GNAZ: variants seen among roughly 807,000 people sequenced by gnomAD.
GNAZ encodes G protein subunit alpha z.
A neutral mutation model predicts 25.4 loss-of-function variants in GNAZ; 3 were observed. The ratio of observed to expected loss-of-function variants is 0.12; its 90% CI spans 0.05 to 0.30. The LOEUF (loss-of-function observed/expected upper bound fraction) is 0.30, where lower values mean the gene tolerates loss of function less well. GNAZ is among the 10% of genes least tolerant of loss of function. The pLI is 1.00. For missense variants in GNAZ, 241 were observed against 501.8 expected, an observed-to-expected ratio of 0.48 and a Z score of 4.97; for synonymous variants, 211 against 205.7, an observed-to-expected ratio of 1.03 and a Z score of -0.22.
intron 1 of GNAZ, among the ~76,000 whole-genome samples, chr22:23,091,341 C>G (rs755823375): frequency 2.6e-5 from 4 of 152,158 alleles, no homozygotes; most frequent in African/African-American, 4.8e-5. Flanking sequence ...GACCTGCATA[C>G]ACATAGGCAC....
At chr22:23,086,681 A>G (rs2068830142) in intron 1 of GNAZ, among the ~76,000 whole-genome samples, 1 of 152,246 alleles carries the variant, frequency 6.6e-6, no homozygotes, top group Admixed American at 6.5e-5. Context: ...AGATGTGTGG[A>G]AATGGCTCCA....
intron 1 of GNAZ, among the ~76,000 whole-genome samples, chr22:23,089,178 C>T (rs2059339927): frequency 1.3e-5 from 2 of 152,200 alleles, no homozygotes; most frequent in Admixed American, 1.3e-4. Context: ...GATGAGGGAG[C>T]TGGTCTATAA....
Position 23,095,908 on chromosome 22 carries a change from C to T in GNAZ, c.213C>T (p.Pro71=), listed in dbSNP as rs1402407162. ...FNLEACKEYK[P]LIIYNAIDSL... ...TGGAGGCCTGCAAGGAGTACAAGCC[C>T]CTCATCATCTACAATGCCATCGACT... The change falls in exon 2 of 3, where the codon CCC becomes CCT. Residue 71 remains proline (P), a synonymous_variant. Transcript: ENST00000615612. 1 of 1,613,726 alleles carries T rather than the reference C, an allele frequency of 6.2e-7. No homozygotes were observed. The highest frequency in any genetic ancestry group is 1.7e-5 in the Admixed American group (1 of 60,032).
chr22:23,093,630 G>A (rs529623254), intron 1 of GNAZ, among the ~76,000 whole-genome samples: 39 of 152,328 alleles, frequency 2.6e-4, no homozygotes, highest in African/African-American at 7.2e-4. Context: ...TGTGCTGGAC[G>A]CTTTACTCTT....
In GNAZ at chr22:23,124,367, AGTT is replaced by A. The variant is rs756343392; in HGVS notation, c.*940_*942del. On this transcript the variant is annotated 3_prime_UTR_variant, in exon 3 of 3. Coordinates refer to ENST00000615612, the MANE Select transcript of GNAZ (RefSeq NM_002073.4). The stretch of plus-strand genomic sequence containing the variant: ...TTGTGTCTGGCTTGCTGAGTGTAAA[AGTT>A]GTTATCTGGACGATCTGTCTCTCTG... 1 of 461,892 alleles carries A rather than the reference AGTT, an allele frequency of 2.2e-6. No individual in the cohort carries two copies. The highest frequency in any genetic ancestry group is 1.6e-5 in the South Asian group (1 of 62,888). The allele number at this position is 461,892 out of a possible 1,614,324, so 28.6% of individuals were successfully genotyped here.
At chr22:23,120,733 G>GC (rs924431797) in intron 2 of GNAZ, among the ~76,000 whole-genome samples, 1 of 151,908 alleles carries the variant, frequency 6.6e-6, no homozygotes, top group African/African-American at 2.4e-5. Flanking sequence ...CCCGGAGGAA[G>GC]CCCCCTACCC....
rs1032364703 is a variant in GNAZ at position 23,071,704 on chromosome 22, G to C, written c.-450+1134G>C. On this transcript the variant is annotated intron_variant, in intron 1 of 2. Coordinates refer to ENST00000615612, the MANE Select transcript of GNAZ (RefSeq NM_002073.4). This position sits in a 1 kb window ranked among gnomAD's most constrained non-coding sequence, Gnocchi z 4.1. ...CTCGACCAACCCCGCTTGAGTGCAG[G>C]TGCAGGGGCCTCGGGAGGGACCTCA... 2.6e-5 allele frequency among the ~76,000 whole-genome samples: 4 copies of C among 152,224 alleles called. No homozygotes were observed. The highest frequency in any genetic ancestry group is 5.9e-5 in the Non-Finnish European group (4 of 68,042).
rs1007401272 is a variant in GNAZ at position 23,109,553 on chromosome 22, G to A, written c.723+13135G>A. On this transcript the variant is annotated intron_variant, in intron 2 of 2. Coordinates refer to ENST00000615612, the MANE Select transcript of GNAZ (RefSeq NM_002073.4). Reference sequence around the variant, plus strand: ...CCCAGGGCCTACACTTGGGAGGCCTGTGGCTGGGCCAGGAGGATGAACCAG... The same window carrying A: ...CCCAGGGCCTACACTTGGGAGGCCTATGGCTGGGCCAGGAGGATGAACCAG... 2.0e-5 allele frequency among the ~76,000 whole-genome samples: 3 copies of A among 152,320 alleles called. No homozygotes were observed. In the Middle Eastern group the frequency reaches 0.01, roughly 518 times the overall value.
At position 23,122,748 on chromosome 22, in the gene GNAZ, C is replaced by T. The variant is rs1341594977; in HGVS notation, c.724-339C>T. 3 of 314,192 alleles carry T rather than the reference C, an allele frequency of 9.5e-6. No individual in the cohort carries two copies. The Admixed American group carries it at 1.3e-4, about 14-fold the overall frequency. The allele number at this position is 314,192 out of a possible 1,614,324, so 19.5% of individuals were successfully genotyped here. A position where few individuals can be genotyped will look rare whatever the true frequency, so the allele number is the denominator to read the frequency against. ...GGGCAGTGGGAAGATGGGGGGTCCT[C>T]GGAGCTGGAGGTGCCCAGCGGTTTA... On this transcript the variant is annotated intron_variant, in intron 2 of 2. Coordinates refer to ENST00000615612, the MANE Select transcript of GNAZ (RefSeq NM_002073.4).
At chr22:23,093,364 A>C (rs1259001375) in intron 1 of GNAZ, among the ~76,000 whole-genome samples, 2 of 151,766 alleles carry the variant, frequency 1.3e-5, no homozygotes, top group African/African-American at 4.8e-5. Context: ...CCCTCCTTCC[A>C]CCAACCAGTG....
At chr22:23,077,709 G>C (rs1239049052) in intron 1 of GNAZ, among the ~76,000 whole-genome samples, 2 of 152,174 alleles carry the variant, frequency 1.3e-5, no homozygotes, top group Non-Finnish European at 2.9e-5. Context: ...CTATGGAGCA[G>C]CTAATCAGGC....
chr22:23,080,176 T>A (rs1485213606), intron 1 of GNAZ, among the ~76,000 whole-genome samples: 1 of 152,220 alleles, frequency 6.6e-6, no homozygotes, highest in African/African-American at 2.4e-5. Context: ...CATATTGATT[T>A]ATTTATTTAC....
intron 2 of GNAZ, among the ~76,000 whole-genome samples, chr22:23,103,668 G>A (rs1042634077): frequency 1.3e-5 from 2 of 152,220 alleles, no homozygotes; most frequent in Non-Finnish European, 2.9e-5. Flanking sequence ...CAAGCTGGGG[G>A]CCATCTGATG....
chr22:23,117,776 C>T (rs1482070813), intron 2 of GNAZ, among the ~76,000 whole-genome samples: 2 of 152,230 alleles, frequency 1.3e-5, no homozygotes, highest in Non-Finnish European at 2.9e-5. Flanking sequence ...GTGCAGCATG[C>T]ACCGGCAGTG....
Position 23,123,365 on chromosome 22 carries a change from G to A in GNAZ, c.1002G>A (p.Gln334=), listed in dbSNP as rs2070086175. ...FTCATDTSNI[Q]FVFDAVTDVI... is the part of the protein sequence containing the mutation. ...GCGCCACCGACACCAGTAACATCCA[G>A]TTTGTCTTCGACGCGGTGACAGACG... is the stretch of plus-strand genomic sequence containing the variant. Residue 334 remains glutamine (Q), a synonymous_variant, in exon 3 of 3, where the codon CAG becomes CAA. Transcript: ENST00000615612. The A allele has an allele frequency of 6.2e-7, 1 of 1,614,066 alleles. No homozygotes were observed. Among genetic ancestry groups the A allele is most frequent in the Admixed American group, 1.7e-5 (1 of 60,028 alleles).
intron 2 of GNAZ, among the ~76,000 whole-genome samples, chr22:23,110,550 G>A (rs1051787986): frequency 5.9e-5 from 9 of 152,170 alleles, no homozygotes; most frequent in Admixed American, 2.6e-4. Context: ...GGGTACCCTC[G>A]CTACCAGAGA....
chr22:23,119,536 A>G (rs2267005), intron 2 of GNAZ, among the ~76,000 whole-genome samples: 71,895 of 152,144 alleles, frequency 0.47, 17,946 homozygotes, highest in Middle Eastern at 0.58. Context: ...CCACACTGCC[A>G]GCACCACACT....
At chr22:23,089,485 G>T (rs1237639996) in intron 1 of GNAZ, among the ~76,000 whole-genome samples, 1 of 152,176 alleles carries the variant, frequency 6.6e-6, no homozygotes, top group South Asian at 2.1e-4. Flanking sequence ...CAGGGATTGT[G>T]CCTGGGGAGG....
intron 1 of GNAZ, among the ~76,000 whole-genome samples, chr22:23,070,973 G>A (rs1216496980): frequency 6.6e-6 from 1 of 152,098 alleles, no homozygotes. Context: ...GGTCTCCCTA[G>A]GGGGAGGATC....
Sources: allele counts gnomAD v4.1 joint callset (sites outside exome capture counted in the v4.1 genomes callset), GRCh38; gene constraint gnomAD v4.1.1; non-coding constraint Gnocchi (gnomAD v3.1); transcripts MANE v1.5; gene names NCBI Gene and HGNC (gene_info 2026-07-23, HGNC 2026-07-21).